PRKACG: variants seen among roughly 807,000 people sequenced by gnomAD.
PRKACG encodes the protein cAMP-dependent protein kinase catalytic subunit gamma.
PRKACG carries 24 observed loss-of-function variants against 25.6 expected under a neutral mutation model. That is an observed-to-expected ratio of 0.94 (90% CI 0.68 to 1.32). PRKACG has a LOEUF of 1.32. Ranked by LOEUF, PRKACG falls within the 40% of genes most tolerant of loss-of-function variation. The pLI is 0.00. For synonymous variants in PRKACG, 202 were observed against 195.9 expected (o/e 1.03, Z -0.26); for missense variants, 481 against 462.9 (o/e 1.04, Z -0.36).
In PRKACG at chr9:69,013,799, C is replaced by A; in HGVS notation, c.294G>T (p.Ala98=). 1 of 1,613,904 alleles carries A rather than the reference C, an allele frequency of 6.2e-7. No homozygotes were observed. Among genetic ancestry groups the A allele is most frequent in the East Asian group, 2.2e-5 (1 of 44,806 alleles). The change falls in exon 1 of 1, where the codon GCG becomes GCT. Residue 98 remains alanine (A), a synonymous_variant. Transcript: ENST00000377276. ...GCTTGACGAGGAACGGAAAGTCGAT[C>A]GCCTGCAGGATGCGCTTCTCGTTCA... ...HILNEKRILQ[A]IDFPFLVKLQ... is the part of the protein sequence containing the mutation.
At position 69,013,673 on chromosome 9, in the gene PRKACG, G is replaced by A. The variant is rs747720659; in HGVS notation, c.420C>T (p.Ser140=). Residue 140 remains serine, a synonymous_variant, in exon 1 of 1, where the codon AGC becomes AGT. Transcript: ENST00000377276. ...CGGCATAGAAACAGGCATGGGGCTC[G>A]CTAAACCTTCCGACGCGCTGTAGGC... ...FSRLQRVGRF[S]EPHACFYAAQ... The A allele has an allele frequency of 1.5e-5, 24 of 1,613,958 alleles. No individual in the cohort carries two copies. Among genetic ancestry groups the A allele is most frequent in the Non-Finnish European group, 1.9e-5 (22 of 1,180,024 alleles).
chr9:69,013,670 C>A lies in PRKACG; in HGVS notation c.423G>T (p.Glu141Asp), dbSNP rs746416040. ...GGGCGGCATAGAAACAGGCATGGGG[C>A]TCGCTAAACCTTCCGACGCGCTGTA... ...SRLQRVGRFS[E>D]PHACFYAAQV... Residue 141 changes from glutamate (E) to aspartate (D), a missense_variant, in exon 1 of 1, where the codon GAG (glutamate) becomes GAT (aspartate). By Grantham distance (45) the Glu-to-Asp change is conservative. Transcript: ENST00000377276. The A allele has an allele frequency of 2.5e-6, 4 of 1,614,058 alleles. No homozygotes were observed. The East Asian group carries it at 6.7e-5, about 27-fold the overall frequency.
rs756391420 is a variant in PRKACG at position 69,013,701 on chromosome 9, G to T, written c.392C>A (p.Ser131Tyr). Residue 131 changes from serine (S) to tyrosine (Y), a missense_variant, in exon 1 of 1, where the codon TCC (serine) becomes TAC (tyrosine). Transcript: ENST00000377276. ...MEYVPGGEMFSRLQRVGRFSE... is the reference protein window; with the variant it reads ...MEYVPGGEMFYRLQRVGRFSE... Reference sequence around the variant, plus strand: ...AAACCTTCCGACGCGCTGTAGGCGGGAGAACATCTCCCCACCCGGCACGTA... The same window carrying T: ...AAACCTTCCGACGCGCTGTAGGCGGTAGAACATCTCCCCACCCGGCACGTA... 1 of 1,614,052 alleles carries T rather than the reference G, an allele frequency of 6.2e-7. No individual in the cohort carries two copies. Among genetic ancestry groups the T allele is most frequent in the Non-Finnish European group, 8.5e-7 (1 of 1,179,980 alleles).
rs3841198 is a variant in PRKACG, at chr9:69,012,835, T to TGG, written c.*200_*201dup. On this transcript the variant is annotated 3_prime_UTR_variant, in exon 1 of 1. Transcript: ENST00000377276. ...GAAGCACAGAGGGACCAGGAAGGCA[T>TGG]GGGGGGGGGTGAGGGAGCAGCTGGT... 130 of 506,646 alleles carry TGG rather than the reference T, an allele frequency of 2.6e-4. No homozygotes were observed. Among genetic ancestry groups the TGG allele is most frequent in the Admixed American group, 3.8e-4 (10 of 26,664 alleles). 31.4% of individuals were successfully genotyped at this position (506,646 alleles called of 1,614,324 possible).
At position 69,012,950 on chromosome 9, in the gene PRKACG, C is replaced by T; in HGVS notation, c.*87G>A. 7.5e-7 allele frequency: 1 copy of T among 1,330,528 alleles called. No homozygotes were observed. The allele number at this position is 1,330,528 out of a possible 1,614,324, so 82.4% of individuals were successfully genotyped here. A position where few individuals can be genotyped will look rare whatever the true frequency, so the allele number is the denominator to read the frequency against. Reference sequence around the variant, plus strand: ...AAATTAGATACAAGGAACTCTGGGGCCCTCTGGCTGTTCAATCCAACCCTC... The same window carrying T: ...AAATTAGATACAAGGAACTCTGGGGTCCTCTGGCTGTTCAATCCAACCCTC... On this transcript the variant is annotated 3_prime_UTR_variant, in exon 1 of 1. Transcript: ENST00000377276.
rs3750373 is a variant in PRKACG at position 69,013,541 on chromosome 9, C to T, written c.552G>A (p.Thr184=). ...LIDQQGYLQV[T]DFGFAKRVKG... ...TCACGCGCTTGGCGAAACCGAAGTC[C>T]GTCACCTGCAGGTAGCCCTGCTGGT... The change falls in exon 1 of 1, where the codon ACG becomes ACA. Residue 184 remains threonine (T), a synonymous_variant. Coordinates refer to ENST00000377276, the MANE Select transcript of PRKACG (RefSeq NM_002732.4). 5.6e-6 allele frequency: 9 copies of T among 1,613,990 alleles called. No homozygotes were observed. Among genetic ancestry groups the T allele is most frequent in the Non-Finnish European group, 7.6e-6 (9 of 1,179,956 alleles).
At position 69,013,343 on chromosome 9, in the gene PRKACG, C is replaced by A. The variant is rs764686238; in HGVS notation, c.750G>T (p.Lys250Asn). The change falls in exon 1 of 1, where the codon AAG (lysine) becomes AAT (asparagine). Residue 250 changes from lysine (K) to asparagine (N), a missense_variant. Transcript: ENST00000377276. Reference protein sequence around the residue: ...YADQPIQIYEKIVSGRVRFPS... With the variant: ...YADQPIQIYENIVSGRVRFPS... ...GAAACCGCACCCTCCCAGAGACGAT[C>A]TTCTCGTAGATCTGGATGGGCTGGT... 10 of 1,614,092 alleles carry A rather than the reference C, an allele frequency of 6.2e-6. No individual in the cohort carries two copies. The highest frequency in any genetic ancestry group is 7.6e-6 in the Non-Finnish European group (9 of 1,180,020).
rs111390942 is a variant in PRKACG, at chr9:69,012,838, G to C, written c.*199C>G. 3.2e-5 allele frequency: 19 copies of C among 588,970 alleles called. No individual in the cohort carries two copies. Among genetic ancestry groups the C allele is most frequent in the Admixed American group, 2.7e-4 (9 of 32,914 alleles). The allele number at this position is 588,970 out of a possible 1,614,324, so 36.5% of individuals were successfully genotyped here. A position where few individuals can be genotyped will look rare whatever the true frequency, so the allele number is the denominator to read the frequency against. Reference sequence around the variant, plus strand: ...GCACAGAGGGACCAGGAAGGCATGGGGGGGGGTGAGGGAGCAGCTGGTGTT... The same window carrying C: ...GCACAGAGGGACCAGGAAGGCATGGCGGGGGGTGAGGGAGCAGCTGGTGTT... On this transcript the variant is annotated 3_prime_UTR_variant, in exon 1 of 1. Coordinates refer to ENST00000377276, the MANE Select transcript of PRKACG (RefSeq NM_002732.4).
rs758146195 is a variant in PRKACG at position 69,013,442 on chromosome 9, G to C, written c.651C>G (p.Asn217Lys). ...APEIILSKGY[N>K]KAVDWWALGV... ...CTAGGGCCCACCAGTCCACGGCCTT[G>C]TTGTAGCCTTTGCTCAGGATGATCT... is the stretch of plus-strand genomic sequence containing the variant. Residue 217 changes from asparagine (N) to lysine (K), a missense_variant, in exon 1 of 1, where the codon AAC becomes AAG. Coordinates refer to ENST00000377276, the MANE Select transcript of PRKACG (RefSeq NM_002732.4). 6.2e-7 allele frequency: 1 copy of C among 1,613,792 alleles called. No homozygotes were observed. Among genetic ancestry groups the C allele is most frequent in the South Asian group, 1.1e-5 (1 of 91,064 alleles).
At position 69,013,058 on chromosome 9, in the gene PRKACG, G is replaced by A; in HGVS notation, c.1035C>T (p.Ala345=). 1 of 1,614,004 alleles carries A rather than the reference G, an allele frequency of 6.2e-7. No individual in the cohort carries two copies. Among genetic ancestry groups the A allele is most frequent in the Non-Finnish European group, 8.5e-7 (1 of 1,179,998 alleles). The change falls in exon 1 of 1, where the codon GCC becomes GCT. Residue 345 remains alanine, a synonymous_variant. Coordinates refer to ENST00000377276, the MANE Select transcript of PRKACG (RefSeq NM_002732.4). ...ELRISINEKC[A]KEFSEF ...ACCCCTAAAACTCAGAAAACTCCTT[G>A]GCACACTTCTCATTGATGGAGATCC...
Position 69,012,990 on chromosome 9 carries a change from A to C in PRKACG, c.*47T>G, listed in dbSNP as rs761851030. 5.1e-6 allele frequency: 8 copies of C among 1,569,748 alleles called. No individual in the cohort carries two copies. Among genetic ancestry groups the C allele is most frequent in the Non-Finnish European group, 6.9e-6 (8 of 1,161,084 alleles). On this transcript the variant is annotated 3_prime_UTR_variant, in exon 1 of 1. Transcript: ENST00000377276. Reference sequence around the variant, plus strand: ...ATCCAACCCTCCCATCCCCCAAACCACCAAAAACAAAAAGGAAAGAAAACC... The same window carrying C: ...ATCCAACCCTCCCATCCCCCAAACCCCCAAAAACAAAAAGGAAAGAAAACC...
chr9:69,013,780 C>A lies in PRKACG; in HGVS notation c.313G>T (p.Val105Phe), dbSNP rs767548830. 4 of 1,613,948 alleles carry A rather than the reference C, an allele frequency of 2.5e-6. No homozygotes were observed. The highest frequency in any genetic ancestry group is 2.5e-6 in the Non-Finnish European group (3 of 1,180,012). Residue 105 changes from valine to phenylalanine, a missense_variant, in exon 1 of 1, where the codon GTC (valine) becomes TTC (phenylalanine). Physicochemically the swap from Val to Phe is conservative, Grantham distance 50. Coordinates refer to ENST00000377276, the MANE Select transcript of PRKACG (RefSeq NM_002732.4). Reference protein sequence around the residue: ...ILQAIDFPFLVKLQFSFKDNS... With the variant: ...ILQAIDFPFLFKLQFSFKDNS... The stretch of plus-strand genomic sequence containing the variant: ...TCCTTAAAGGAGAACTGGAGCTTGA[C>A]GAGGAACGGAAAGTCGATCGCCTGC...
In PRKACG at chr9:69,014,094, G is replaced by C. The variant is rs1377477355; in HGVS notation, c.-2C>G. The C allele has an allele frequency of 6.4e-7, 1 of 1,554,972 alleles. No individual in the cohort carries two copies. The highest frequency in any genetic ancestry group is 1.8e-5 in the Admixed American group (1 of 56,936). ...CTTCTTGGCGGGGGCGTTGCCCATG[G>C]CGGTGGCGGCGGCAGGGGCGGGGGT... On this transcript the variant is annotated 5_prime_UTR_variant, in exon 1 of 1. Transcript: ENST00000377276.
Position 69,012,870 on chromosome 9 carries a change from C to T in PRKACG, c.*167G>A. The T allele has an allele frequency of 1.5e-6, 1 of 646,960 alleles. No individual in the cohort carries two copies. The allele number at this position is 646,960 out of a possible 1,614,324, so 40.1% of individuals were successfully genotyped here. On this transcript the variant is annotated 3_prime_UTR_variant, in exon 1 of 1. Coordinates refer to ENST00000377276, the MANE Select transcript of PRKACG (RefSeq NM_002732.4). ...TGAGGGAGCAGCTGGTGTTTCTGTTCCTCCAAATATCTGGGCTTCCTGCTC... is the reference window on the plus strand; with the variant it reads ...TGAGGGAGCAGCTGGTGTTTCTGTTTCTCCAAATATCTGGGCTTCCTGCTC...
In PRKACG at chr9:69,013,281, C is replaced by T. The variant is rs776449361; in HGVS notation, c.812G>A (p.Arg271Gln). Residue 271 changes from arginine (R) to glutamine (Q), a missense_variant, in exon 1 of 1, where the codon CGG becomes CAG. By Grantham distance (43) the Arg-to-Gln change is conservative (BLOSUM62 1). Transcript: ENST00000377276. ...GGTGAGGTCCACCTGCAGCAGGCTC[C>T]GCAGCAGATGCTTGAGGTCAGAGCT... ...KLSSDLKHLL[R>Q]SLLQVDLTKR... The T allele has an allele frequency of 1.2e-6, 2 of 1,614,104 alleles. No homozygotes were observed. Among genetic ancestry groups the T allele is most frequent in the Non-Finnish European group, 1.7e-6 (2 of 1,180,018 alleles).
rs759609102 is a variant in PRKACG at position 69,013,330 on chromosome 9, T to TC, written c.762dup (p.Arg255GlufsTer11). 2.5e-4 allele frequency: 408 copies of TC among 1,614,058 alleles called. 2 individuals are homozygous for TC. The highest frequency in any genetic ancestry group is 1.6e-3 in the Admixed American group (94 of 60,016). On this transcript the variant is annotated frameshift_variant, in exon 1 of 1. Transcript: ENST00000377276. LOFTEE classifies it high-confidence loss of function. Reference sequence around the variant, plus strand: ...CTGAGTTTGGAGGGAAACCGCACCCTCCCAGAGACGATCTTCTCGTAGATC... The same window carrying TC: ...CTGAGTTTGGAGGGAAACCGCACCCTCCCCAGAGACGATCTTCTCGTAGATC...
At position 69,013,018 on chromosome 9, in the gene PRKACG, CA is replaced by C. The variant is rs763269187; in HGVS notation, c.*18del. The C allele has an allele frequency of 2.4e-5, 38 of 1,599,268 alleles. No homozygotes were observed. Among genetic ancestry groups the C allele is most frequent in the Non-Finnish European group, 3.2e-5 (37 of 1,173,142 alleles). On this transcript the variant is annotated 3_prime_UTR_variant, in exon 1 of 1. Transcript: ENST00000377276. ...AAAAACAAAAAGGAAAGAAAACCCA[CA>C]GGGGCACAAGCACACCCCTAAAACT...
rs765724547 is a variant in PRKACG, at chr9:69,013,380, G to C, written c.713C>G (p.Pro238Arg). 2.5e-5 allele frequency: 40 copies of C among 1,613,746 alleles called. No individual in the cohort carries two copies. The highest frequency in any genetic ancestry group is 3.4e-5 in the Non-Finnish European group (40 of 1,180,010). The change falls in exon 1 of 1, where the codon CCC becomes CGC. Residue 238 changes from proline to arginine, a missense_variant. Transcript: ENST00000377276. ...CTGGATGGGCTGGTCGGCGTAGAAG[G>C]GTGGGAAGCCCACGGCCATCTCATA... ...LIYEMAVGFPPFYADQPIQIY... is the reference protein window; with the variant it reads ...LIYEMAVGFPRFYADQPIQIY...
rs1831293063 is a variant in PRKACG, at chr9:69,013,250, G to A, written c.843C>T (p.Arg281=). 1 of 1,614,162 alleles carries A rather than the reference G, an allele frequency of 6.2e-7. No individual in the cohort carries two copies. Residue 281 remains arginine (R), a synonymous_variant, in exon 1 of 1, where the codon CGC becomes CGT. Transcript: ENST00000377276. ...RSLLQVDLTK[R]FGNLRNGVGD... is the part of the protein sequence containing the mutation. Reference sequence around the variant, plus strand: ...CAACCCCGTTCCTGAGGTTTCCGAAGCGCTTGGTGAGGTCCACCTGCAGCA... The same window carrying A: ...CAACCCCGTTCCTGAGGTTTCCGAAACGCTTGGTGAGGTCCACCTGCAGCA...
Sources: allele counts gnomAD v4.1 joint callset, GRCh38; gene constraint gnomAD v4.1.1; transcripts MANE v1.5; gene names NCBI Gene and HGNC (gene_info 2026-07-23, HGNC 2026-07-21).